Variants in DOCK1 observed in about 807,000 individuals in gnomAD.
The protein encoded by DOCK1 is dedicator of cytokinesis protein 1.
Under a neutral mutation model 262.7 loss-of-function variants are expected in DOCK1, and 138 were observed. That is an observed-to-expected ratio of 0.53 (90% CI 0.46 to 0.61). The LOEUF (loss-of-function observed/expected upper bound fraction) is 0.61, where lower values mean the gene tolerates loss of function less well. DOCK1 is among the 20% of genes least tolerant of loss of function. DOCK1 has a pLI of 0.00. For synonymous variants in DOCK1, 866 were observed against 867.4 expected (o/e 1.00, Z 0.03); for missense variants, 1,908 against 2,370.7 (o/e 0.80, Z 4.05).
chr10:127,369,809 T>C (rs1318290376), intron 33 of DOCK1, among the ~76,000 whole-genome samples: 1 of 152,130 alleles, frequency 6.6e-6, no homozygotes. Context: ...GATTAATTAG[T>C]GTGTAATTAA....
intron 39 of DOCK1, among the ~76,000 whole-genome samples, chr10:127,403,485 C>T (rs1341046912): frequency 1.3e-5 from 2 of 152,222 alleles, no homozygotes; most frequent in South Asian, 4.1e-4. Flanking sequence ...CCAGGCCAGG[C>T]GCACTGGCTC....
chr10:127,268,547 T>C (rs2060454697), intron 29 of DOCK1, among the ~76,000 whole-genome samples: 1 of 135,572 alleles, frequency 7.4e-6, no homozygotes, highest in Admixed American at 7.5e-5. Context: ...GAAAGAAATA[T>C]ATGTGATTTA....
intron 29 of DOCK1, among the ~76,000 whole-genome samples, chr10:127,333,348 T>A (rs1435183264): frequency 6.6e-6 from 1 of 152,170 alleles, no homozygotes. Context: ...GTAATGAGGC[T>A]CCTCATCTTT....
chr10:127,427,511 G>A (rs1316334431), intron 47 of DOCK1, among the ~76,000 whole-genome samples: 1 of 152,166 alleles, frequency 6.6e-6, no homozygotes, highest in Admixed American at 6.5e-5. Flanking sequence ...CTCACACTCT[G>A]TGAAGCAGGC....
chr10:127,200,952 G>A (rs1487163368), intron 27 of DOCK1, among the ~76,000 whole-genome samples: 1 of 152,164 alleles, frequency 6.6e-6, no homozygotes, highest in Non-Finnish European at 1.5e-5. Context: ...ATTCCAAAGA[G>A]ACTCATAGAT....
intron 26 of DOCK1, among the ~76,000 whole-genome samples, chr10:127,125,930 A>C (rs1038685355): frequency 1.3e-5 from 2 of 151,964 alleles, no homozygotes; most frequent in African/African-American, 2.4e-5. Flanking sequence ...CTTTCTTCTT[A>C]TTTTTATTAA....
At chr10:126,952,420 G>C (rs2036336749) in intron 1 of DOCK1, among the ~76,000 whole-genome samples, 1 of 151,308 alleles carries the variant, frequency 6.6e-6, no homozygotes, top group Non-Finnish European at 1.5e-5. Context: ...TGGTAGTGTT[G>C]GTGATGTTAT....
chr10:127,081,357 C>G (rs968408001), intron 23 of DOCK1, among the ~76,000 whole-genome samples: 2 of 147,076 alleles, frequency 1.4e-5, no homozygotes, highest in Admixed American at 6.7e-5. Flanking sequence ...ATTTGTGGAC[C>G]CTGTATGTGG....
chr10:127,194,639 A>G (rs1589879367), intron 27 of DOCK1, among the ~76,000 whole-genome samples: 1 of 152,148 alleles, frequency 6.6e-6, no homozygotes, highest in South Asian at 2.1e-4. Flanking sequence ...TTCATCAAGT[A>G]CCCAGCCAGC....
intron 33 of DOCK1, among the ~76,000 whole-genome samples, chr10:127,371,036 A>G (rs771321389): frequency 1.3e-5 from 2 of 152,272 alleles, no homozygotes; most frequent in Non-Finnish European, 2.9e-5. Context: ...GCAAATCACC[A>G]GACAATGTGC....
intron 38 of DOCK1, among the ~76,000 whole-genome samples, chr10:127,389,733 C>T (rs945902397): frequency 1.1e-4 from 17 of 152,086 alleles, no homozygotes; most frequent in African/African-American, 3.6e-4. Flanking sequence ...TGTGTGGGAC[C>T]GGCCGGGCGT....
intron 27 of DOCK1, among the ~76,000 whole-genome samples, chr10:127,240,627 G>A (rs983419617): frequency 2.6e-5 from 4 of 151,954 alleles, no homozygotes; most frequent in African/African-American, 4.8e-5. Context: ...CAATGTATGC[G>A]GCACTGCACA....
chr10:127,061,929 C>CTTTTTTTTTTTT (rs562310710), intron 23 of DOCK1, among the ~76,000 whole-genome samples, 153 bp downstream of exon 23: 1 of 71,786 alleles, frequency 1.4e-5, no homozygotes, highest in African/African-American at 6.5e-5. Flanking sequence ...AAGAGCTGTG[C>CTTTTTTTTTTTT]TTTTTTTTTT....
chr10:126,953,962 C>T (rs2036535050), intron 1 of DOCK1, among the ~76,000 whole-genome samples: 1 of 152,126 alleles, frequency 6.6e-6, no homozygotes, highest in African/African-American at 2.4e-5. Flanking sequence ...CCGAGTGGTC[C>T]TGTGTGTTGG....
At chr10:126,914,047 G>C (rs2032184455) in intron 1 of DOCK1, among the ~76,000 whole-genome samples, 4 of 152,188 alleles carry the variant, frequency 2.6e-5, no homozygotes, top group African/African-American at 4.8e-5. Flanking sequence ...TGATTGCTTT[G>C]TAAGTAGAAG....
chr10:127,431,636 C>A (rs1226387024), intron 47 of DOCK1, among the ~76,000 whole-genome samples: 1 of 152,222 alleles, frequency 6.6e-6, no homozygotes, highest in Admixed American at 6.5e-5. Flanking sequence ...GCTGGCAAAT[C>A]CCAGCTGCAC....
chr10:127,039,217 C>G (rs75784555), intron 19 of DOCK1, among the ~76,000 whole-genome samples: 35 of 152,282 alleles, frequency 2.3e-4, no homozygotes, highest in Non-Finnish European at 3.8e-4. Context: ...CTCCCAATGG[C>G]TTGGACAATG....
At chr10:127,124,246 A>G (rs1458833693) in intron 25 of DOCK1, among the ~76,000 whole-genome samples, 1 of 152,234 alleles carries the variant, frequency 6.6e-6, no homozygotes, top group East Asian at 1.9e-4. Context: ...CATTAATGCA[A>G]AACATGTTTT....
intron 31 of DOCK1, among the ~76,000 whole-genome samples, chr10:127,350,517 C>T (rs2063834443): frequency 6.6e-6 from 1 of 152,180 alleles, no homozygotes. Flanking sequence ...CCTGCCAGAG[C>T]CAAGCTGAGC....
Sources: allele counts gnomAD v4.1 joint callset (sites outside exome capture counted in the v4.1 genomes callset), GRCh38; gene constraint gnomAD v4.1.1; transcripts MANE v1.5; gene names NCBI Gene and HGNC (gene_info 2026-07-23, HGNC 2026-07-21).